Variants in GPC5 observed in about 807,000 individuals in gnomAD.
GPC5 encodes the protein glypican 5, also known as glypican-5.
Under a neutral mutation model 53.9 loss-of-function variants are expected in GPC5, and 47 were observed. The ratio of observed to expected loss-of-function variants is 0.87; its 90% CI spans 0.69 to 1.11. The LOEUF is 1.11. Ranked by LOEUF, GPC5 falls within the 50% of genes most tolerant of loss-of-function variation. GPC5 has a pLI of 0.00. For missense variants in GPC5, 748 were observed against 713.1 expected, an observed-to-expected ratio of 1.05 and a Z score of -0.56; for synonymous variants, 286 against 263.3, an observed-to-expected ratio of 1.09 and a Z score of -0.84.
chr13:91,482,242 C>G (rs1200929135), intron 2 of GPC5, among the ~76,000 whole-genome samples: 1 of 152,150 alleles, frequency 6.6e-6, no homozygotes, highest in Non-Finnish European at 1.5e-5. Context: ...CTCTCTCTCT[C>G]ACTCGTCTGT....
chr13:92,284,911 T>G (rs139430538), intron 7 of GPC5, among the ~76,000 whole-genome samples: 12,994 of 151,870 alleles, frequency 0.086, 614 homozygotes, highest in Middle Eastern at 0.12. Context: ...GCAGGAGAAA[T>G]AAATAAAGGG....
chr13:92,542,493 G>A (rs559582522), intron 7 of GPC5, among the ~76,000 whole-genome samples: 6 of 151,832 alleles, frequency 4.0e-5, no homozygotes, highest in Admixed American at 1.3e-4. Context: ...ATCTCTTATC[G>A]TTCATCTTTG....
Position 92,187,919 on chromosome 13 carries a change from T to C in GPC5, c.1561+42930T>C, listed in dbSNP as rs145217030. On this transcript the variant is annotated intron_variant, in intron 7 of 7. Transcript: ENST00000377067. ...TTTTCTTTACTCCCTTCAAGATCTG[T>C]TCTCCTTCTAACCACAAACTGTGCC... 2.6e-3 allele frequency among the ~76,000 whole-genome samples: 401 copies of C among 152,340 alleles called. 3 individuals are homozygous for C. The highest frequency in any genetic ancestry group is 9.3e-3 in the African/African-American group (388 of 41,590).
At chr13:91,721,537 A>G (rs941026568) in intron 3 of GPC5, among the ~76,000 whole-genome samples, 6 of 152,302 alleles carry the variant, frequency 3.9e-5, no homozygotes, top group Non-Finnish European at 8.8e-5. Flanking sequence ...GCCATGCTCA[A>G]AATTCTCCAG....
chr13:92,735,414 T>G (rs180991764), intron 7 of GPC5, among the ~76,000 whole-genome samples: 208 of 152,088 alleles, frequency 1.4e-3, no homozygotes, highest in African/African-American at 4.8e-3. Flanking sequence ...CCTATAGCAT[T>G]AAGTGAACTT....
intron 7 of GPC5, among the ~76,000 whole-genome samples, chr13:92,167,682 A>C (rs7991605): frequency 0.045 from 6,785 of 152,254 alleles, 340 homozygotes; most frequent in African/African-American, 0.12. Context: ...AGCATGTTAA[A>C]GACTAAGCTA....
At chr13:92,389,222 A>T (rs1594160005) in intron 7 of GPC5, among the ~76,000 whole-genome samples, 1 of 152,316 alleles carries the variant, frequency 6.6e-6, no homozygotes, top group South Asian at 2.1e-4. Context: ...AGATTCAAAG[A>T]GATAAAGTGA....
intron 7 of GPC5, among the ~76,000 whole-genome samples, chr13:92,186,255 A>G (rs2042183065): frequency 6.6e-6 from 1 of 151,928 alleles, no homozygotes. Context: ...TAGATCCTTA[A>G]TATAGGTTTT....
At chr13:92,031,323 C>T (rs1289028849) in intron 6 of GPC5, among the ~76,000 whole-genome samples, 1 of 152,088 alleles carries the variant, frequency 6.6e-6, no homozygotes, top group African/African-American at 2.4e-5. Context: ...CCTTTGAGGT[C>T]CAGACTGGAG....
chr13:92,183,377 T>TA (rs1263272874), intron 7 of GPC5, among the ~76,000 whole-genome samples: 2 of 152,122 alleles, frequency 1.3e-5, no homozygotes, highest in Admixed American at 1.3e-4. Flanking sequence ...TTCTTTTTTT[T>TA]ATGTAGATAC....
intron 6 of GPC5, among the ~76,000 whole-genome samples, chr13:91,910,346 A>C (rs1199149447): frequency 4.6e-5 from 7 of 152,208 alleles, no homozygotes; most frequent in Non-Finnish European, 7.3e-5. Flanking sequence ...GCCTTCCGTA[A>C]GTGAGAATTT....
chr13:91,899,947 C>G (rs183615262), intron 5 of GPC5, among the ~76,000 whole-genome samples: 1 of 152,174 alleles, frequency 6.6e-6, no homozygotes, highest in African/African-American at 2.4e-5. Flanking sequence ...TATGATGGCC[C>G]TAGGCGACTA....
intron 6 of GPC5, among the ~76,000 whole-genome samples, chr13:92,140,283 G>A (rs2041820616): frequency 6.6e-6 from 1 of 152,156 alleles, no homozygotes; most frequent in Admixed American, 6.5e-5. Context: ...CTGGGTAGCG[G>A]GGAGCTGTGT....
intron 5 of GPC5, among the ~76,000 whole-genome samples, chr13:91,811,922 A>G (rs370893160): frequency 6.6e-6 from 1 of 152,208 alleles, no homozygotes; most frequent in African/African-American, 2.4e-5. Flanking sequence ...TTCAACACTC[A>G]GAACACTTTC....
intron 7 of GPC5, among the ~76,000 whole-genome samples, chr13:92,440,754 A>C (rs1435522156): frequency 6.6e-6 from 1 of 152,126 alleles, no homozygotes; most frequent in Non-Finnish European, 1.5e-5. Context: ...CTTTGCCAGC[A>C]TCTGTTATTT....
At position 91,798,800 on chromosome 13, in the gene GPC5, C is replaced by T. The variant is rs576131373; in HGVS notation, c.1280+42380C>T. Among the ~76,000 whole-genome samples the T allele has an allele frequency of 4.6e-5, 7 of 152,270 alleles. No homozygotes were observed. In the East Asian group the frequency reaches 7.7e-4, roughly 17 times the overall value. On this transcript the variant is annotated intron_variant, in intron 5 of 7. Transcript: ENST00000377067. Reference sequence around the variant, plus strand: ...CTTTTAGAAATTGCCACACTGTCTTCCATAATGATTGAACTAATTTACACT... The same window carrying T: ...CTTTTAGAAATTGCCACACTGTCTTTCATAATGATTGAACTAATTTACACT...
At chr13:92,193,806 T>A (rs1037341608) in intron 7 of GPC5, among the ~76,000 whole-genome samples, 2 of 152,232 alleles carry the variant, frequency 1.3e-5, no homozygotes, top group African/African-American at 2.4e-5. Context: ...TTCAAGAGGC[T>A]TTTATTGGCC....
chr13:92,805,936 A>C (rs1032470093), intron 7 of GPC5, among the ~76,000 whole-genome samples: 3 of 151,986 alleles, frequency 2.0e-5, no homozygotes, highest in Non-Finnish European at 2.9e-5. Flanking sequence ...CACCAGCTGC[A>C]TTATCCCCTA....
chr13:91,930,251 G>T (rs547251422), intron 6 of GPC5, among the ~76,000 whole-genome samples: 17 of 151,688 alleles, frequency 1.1e-4, no homozygotes, highest in African/African-American at 3.9e-4. Context: ...AGAGAAAAAA[G>T]AACACCAAAG....
Sources: gnomAD v4.1 joint callset for allele counts (sites outside exome capture counted in the v4.1 genomes callset) on GRCh38, gnomAD v4.1.1 for gene constraint, MANE v1.5 for transcripts, NCBI Gene and HGNC (gene_info 2026-07-23, HGNC 2026-07-21) for gene names.